IPCEF1: variants seen among roughly 807,000 people sequenced by gnomAD.
IPCEF1 encodes the protein interaction protein for cytohesin exchange factors 1, also known as interactor protein for cytohesin exchange factors 1.
IPCEF1 carries 31 observed loss-of-function variants against 50.9 expected under a neutral mutation model. The observed-to-expected ratio is 0.61, with a 90% confidence interval of 0.46 to 0.82. The LOEUF is 0.82. Ranked by LOEUF, IPCEF1 falls within the 40% of genes least tolerant of loss-of-function variation. The pLI, the probability that IPCEF1 is intolerant of heterozygous loss-of-function variation, is 0.00. For missense variants in IPCEF1, 458 were observed against 514.0 expected (o/e 0.89, Z 1.05); for synonymous variants, 181 against 192.0 (o/e 0.94, Z 0.47).
intron 9 of IPCEF1, among the ~76,000 whole-genome samples, chr6:154,202,691 C>G (rs1478510947): frequency 1.3e-5 from 2 of 152,166 alleles, no homozygotes; most frequent in Admixed American, 1.3e-4. Flanking sequence ...CCTCAAAACT[C>G]TGCTTAAAGT....
chr6:154,333,775 G>A (rs923499994), intron 1 of IPCEF1, among the ~76,000 whole-genome samples: 2 of 147,212 alleles, frequency 1.4e-5, no homozygotes, highest in Non-Finnish European at 2.9e-5. Context: ...ATATATGTAT[G>A]TGTGTATATG....
intron 5 of IPCEF1, among the ~76,000 whole-genome samples, chr6:154,226,637 C>A (rs1250953739): frequency 6.6e-6 from 1 of 152,158 alleles, no homozygotes; most frequent in Non-Finnish European, 1.5e-5. Flanking sequence ...CAACTGTTCT[C>A]CTTCTCTATA....
At chr6:154,244,260 C>T (rs975390465) in intron 5 of IPCEF1, among the ~76,000 whole-genome samples, 8 of 151,460 alleles carry the variant, frequency 5.3e-5, no homozygotes, top group Non-Finnish European at 1.2e-4. Flanking sequence ...TTTTTTCCCT[C>T]ACAGTAAACA....
chr6:154,216,536 G>A (rs1778408216), intron 7 of IPCEF1, among the ~76,000 whole-genome samples: 1 of 152,076 alleles, frequency 6.6e-6, no homozygotes, highest in South Asian at 2.1e-4. Flanking sequence ...TGCATGAATT[G>A]GTATGCATAG....
intron 2 of IPCEF1, among the ~76,000 whole-genome samples, chr6:154,283,673 A>G (rs1371337468): frequency 6.6e-6 from 1 of 152,242 alleles, no homozygotes; most frequent in African/African-American, 2.4e-5. Context: ...AGAATTTCAA[A>G]GTATACAGAG....
intron 3 of IPCEF1, among the ~76,000 whole-genome samples, chr6:154,247,915 T>G (rs1278559822): frequency 6.6e-6 from 1 of 152,222 alleles, no homozygotes; most frequent in Non-Finnish European, 1.5e-5. Flanking sequence ...AGATAATTGT[T>G]ACAATCTCAA....
At chr6:154,349,679 T>C (rs1317923952) in intron 1 of IPCEF1, among the ~76,000 whole-genome samples, 1 of 152,124 alleles carries the variant, frequency 6.6e-6, no homozygotes, top group East Asian at 1.9e-4. Context: ...TACAGATCAG[T>C]GCATAAAACT....
At chr6:154,331,405 A>AAGAAAGAAAGAGAGAG (rs60403800) in intron 1 of IPCEF1, among the ~76,000 whole-genome samples, 31 of 93,010 alleles carry the variant, frequency 3.3e-4, no homozygotes, top group Middle Eastern at 5.2e-3. Flanking sequence ...GAAAGAAAGA[A>AAGAAAGAAAGAGAGAG]AGAGAGAGAA....
In IPCEF1 at chr6:154,308,459, T is replaced by G. The variant is rs539015073; in HGVS notation, c.-61-18703A>C. On this transcript the variant is annotated intron_variant, in intron 1 of 11. Transcript: ENST00000367220. Reference sequence around the variant, plus strand: ...AAATATTTTAATGAGGGCTCCACATTTAAAATTATACCATCCAATTTATCT... The same window carrying G: ...AAATATTTTAATGAGGGCTCCACATGTAAAATTATACCATCCAATTTATCT... Among the ~76,000 whole-genome samples, 7 of 152,264 alleles carry G rather than the reference T, an allele frequency of 4.6e-5. No individual in the cohort carries two copies. The East Asian group carries it at 1.2e-3, about 25-fold the overall frequency.
intron 1 of IPCEF1, among the ~76,000 whole-genome samples, chr6:154,290,993 A>C (rs1451686136): frequency 6.6e-6 from 1 of 150,726 alleles, no homozygotes; most frequent in African/African-American, 2.5e-5. Flanking sequence ...TCCCAGGTTC[A>C]AGTGATTCTC....
chr6:154,282,565 T>C (rs575300155), intron 2 of IPCEF1, among the ~76,000 whole-genome samples: 1 of 152,154 alleles, frequency 6.6e-6, no homozygotes, highest in African/African-American at 2.4e-5. Flanking sequence ...CGGGCACCTG[T>C]AGTCCCAGCT....
chr6:154,273,343 T>C (rs1053000693), intron 2 of IPCEF1, among the ~76,000 whole-genome samples: 8 of 152,162 alleles, frequency 5.3e-5, no homozygotes, highest in African/African-American at 1.9e-4. Flanking sequence ...CGTCGACAAG[T>C]AGGTAATCCA....
intron 5 of IPCEF1, among the ~76,000 whole-genome samples, chr6:154,239,702 C>T (rs1274517520): frequency 3.0e-5 from 4 of 135,518 alleles, no homozygotes; most frequent in Admixed American, 2.9e-4. Context: ...ATTGTCTTCA[C>T]TGAAGAAACT....
At chr6:154,221,234 G>A (rs774616587) in intron 7 of IPCEF1, 23 bp downstream of exon 7, 4 of 1,594,034 alleles carry the variant, frequency 2.5e-6, no homozygotes, top group Middle Eastern at 3.3e-4. Flanking sequence ...TAAGGATGGG[G>A]TTTACCAGTT....
chr6:154,180,414 A>ATATATATATATTTTTT (rs1241250621), intron 10 of IPCEF1, among the ~76,000 whole-genome samples: 1 of 65,268 alleles, frequency 1.5e-5, no homozygotes, highest in African/African-American at 4.8e-5. Flanking sequence ...ATATATATAT[A>ATATATATATATTTTTT]TTTTTTTTTT....
chr6:154,176,096 G>C (rs1800303295), intron 10 of IPCEF1, among the ~76,000 whole-genome samples: 1 of 152,180 alleles, frequency 6.6e-6, no homozygotes, highest in South Asian at 2.1e-4. Flanking sequence ...AATAGATGCA[G>C]AAAAGGCCTT....
intron 1 of IPCEF1, among the ~76,000 whole-genome samples, chr6:154,315,252 T>G (rs1783185937): frequency 6.6e-6 from 1 of 152,200 alleles, no homozygotes; most frequent in Admixed American, 6.5e-5. Context: ...ACATGGACAG[T>G]GAATATTTTT....
chr6:154,313,051 C>T lies in IPCEF1; in HGVS notation c.-61-23295G>A, dbSNP rs1451584305. Among the ~76,000 whole-genome samples the T allele has an allele frequency of 7.5e-5, 8 of 106,672 alleles. 1 individual carries two copies. In the Admixed American group the frequency reaches 8.4e-4, roughly 11 times the overall value. 70.0% of individuals were successfully genotyped at this position (106,672 alleles called of 152,430 possible). On this transcript the variant is annotated intron_variant, in intron 1 of 11. Transcript: ENST00000367220. ...GAAATCAACCCCACTGCACTGCAGGCTGTGAGGCCCTGTCTCAAAAAAAAA... is the reference window on the plus strand; with the variant it reads ...GAAATCAACCCCACTGCACTGCAGGTTGTGAGGCCCTGTCTCAAAAAAAAA...
At chr6:154,282,764 C>A (rs1294610345) in intron 2 of IPCEF1, among the ~76,000 whole-genome samples, 2 of 152,078 alleles carry the variant, frequency 1.3e-5, no homozygotes, top group Non-Finnish European at 2.9e-5. Flanking sequence ...AGTACATGTA[C>A]CAAGTCAAGA....
Sources: allele counts gnomAD v4.1 joint callset (sites outside exome capture counted in the v4.1 genomes callset), GRCh38; gene constraint gnomAD v4.1.1; transcripts MANE v1.5; gene names NCBI Gene and HGNC (gene_info 2026-07-23, HGNC 2026-07-21).